Variants in ODR4 observed in about 807,000 individuals in gnomAD.
ODR4 encodes protein odr-4 homolog.
ODR4 carries 47 observed loss-of-function variants against 60.2 expected under a neutral mutation model. The ratio of observed to expected loss-of-function variants is 0.78; its 90% CI spans 0.62 to 1.00. The LOEUF (loss-of-function observed/expected upper bound fraction) is 1.00, where lower values mean the gene tolerates loss of function less well. Ranked by LOEUF, ODR4 falls within the 50% of genes least tolerant of loss-of-function variation. The pLI, the probability that ODR4 is intolerant of heterozygous loss-of-function variation, is 0.00. For missense variants in ODR4, 488 were observed against 530.8 expected (o/e 0.92, Z 0.79); for synonymous variants, 178 against 175.5 (o/e 1.01, Z -0.11).
Position 186,394,290 on chromosome 1 carries a change from G to A in ODR4, c.780+275G>A, listed in dbSNP as rs74228916. On this transcript the variant is annotated intron_variant, in intron 9 of 13. Transcript: ENST00000287859. ...TGCATACATATACATGTATGTATGTGTACATATTTTGGGTTGTAGCTTTTA... is the reference window on the plus strand; with the variant it reads ...TGCATACATATACATGTATGTATGTATACATATTTTGGGTTGTAGCTTTTA... Among the ~76,000 whole-genome samples, 175 of 152,058 alleles carry A rather than the reference G, an allele frequency of 1.2e-3. 2 individuals carry two copies. The East Asian group carries it at 0.031, about 27-fold the overall frequency.
intron 12 of ODR4, among the ~76,000 whole-genome samples, chr1:186,415,345 G>GC (rs1661523593): frequency 1.3e-5 from 2 of 152,004 alleles, no homozygotes; most frequent in African/African-American, 2.4e-5. Flanking sequence ...TTGAGCTTGT[G>GC]CTCCCATATT....
chr1:186,431,004 T>G, the ODR4 span, among the ~76,000 whole-genome samples: 1 of 152,244 alleles, frequency 6.6e-6, no homozygotes, highest in Non-Finnish European at 1.5e-5. Context: ...TAGATGACTG[T>G]ACACAACTAA....
rs994039894 is a variant in ODR4 at position 186,375,874 on chromosome 1, A to G, written c.-120A>G. ...TGGCAGTGAATTGAGACCGGAGGGA[A>G]TCTGGCCCCTAGAGGCTGGTACTTG... On this transcript the variant is annotated 5_prime_UTR_variant, in exon 1 of 14. Coordinates refer to ENST00000287859, the MANE Select transcript of ODR4 (RefSeq NM_017847.6). 4.6e-6 allele frequency: 1 copy of G among 216,342 alleles called. No individual in the cohort carries two copies. The highest frequency in any genetic ancestry group is 1.0e-5 in the Non-Finnish European group (1 of 97,520). 13.4% of individuals were successfully genotyped at this position (216,342 alleles called of 1,614,324 possible).
intron 8 of ODR4, among the ~76,000 whole-genome samples, chr1:186,393,320 T>C (rs1660539919): frequency 1.3e-5 from 2 of 152,196 alleles, no homozygotes; most frequent in South Asian, 4.1e-4. Context: ...AATGATGTAA[T>C]TGGAATCCTG....
At chr1:186,424,416 A>G (rs1571711071), downstream of ODR4, among the ~76,000 whole-genome samples, 1 of 152,330 alleles carries the variant, frequency 6.6e-6, no homozygotes, top group South Asian at 2.1e-4. Flanking sequence ...ACACATGAAT[A>G]CATAAAACAA....
At chr1:186,388,689 A>G in intron 5 of ODR4, 141 bp downstream of exon 5, 1 of 548,332 alleles carries the variant, frequency 1.8e-6, no homozygotes, top group East Asian at 3.3e-5. Flanking sequence ...ACATGGAATT[A>G]GAGCCACCAA....
rs1363500905 is a variant in ODR4, at chr1:186,383,053, C to A, written c.131C>A (p.Ala44Asp). 2 of 1,582,874 alleles carry A rather than the reference C, an allele frequency of 1.3e-6. No individual in the cohort carries two copies. Among genetic ancestry groups the A allele is most frequent in the Non-Finnish European group, 1.7e-6 (2 of 1,163,322 alleles). ...CSSQKDYVILATRTPPKEEQS... is the reference protein window; with the variant it reads ...CSSQKDYVILDTRTPPKEEQS... ...TCACAAAAGGATTATGTGATTCTTGCCACTAGAACGCCACCCAAAGAGGAG... is the reference window on the plus strand; with the variant it reads ...TCACAAAAGGATTATGTGATTCTTGACACTAGAACGCCACCCAAAGAGGAG... Residue 44 changes from alanine (A) to aspartate (D), a missense_variant, in exon 3 of 14, where the codon GCC becomes GAC. Physicochemically the swap from Ala to Asp is moderately radical, Grantham distance 126. Transcript: ENST00000287859.
intron 11 of ODR4, among the ~76,000 whole-genome samples, chr1:186,405,709 G>A (rs1337780020): frequency 1.3e-5 from 2 of 152,006 alleles, no homozygotes; most frequent in Non-Finnish European, 2.9e-5. Context: ...CTGCCACCAC[G>A]CCTGACTAAT....
the ODR4 span, among the ~76,000 whole-genome samples, chr1:186,434,553 C>A: frequency 2.0e-5 from 3 of 152,080 alleles, no homozygotes; most frequent in African/African-American, 7.2e-5. Flanking sequence ...CTTTCCATTT[C>A]CCTACCAAAA....
chr1:186,414,469 T>A (rs920179482), intron 12 of ODR4, among the ~76,000 whole-genome samples: 28 of 152,194 alleles, frequency 1.8e-4, no homozygotes, highest in African/African-American at 6.0e-4. Context: ...TATTTTTGTT[T>A]GTTATCTGAT....
chr1:186,419,409 G>C lies in ODR4; in HGVS notation c.*333G>C, dbSNP rs905177986. On this transcript the variant is annotated 3_prime_UTR_variant, in exon 14 of 14. Transcript: ENST00000287859. ...ACTAATCTGAATCACATATTAATCA[G>C]GACATTAAAAACTTTAACAGAGGCA... 8 of 268,830 alleles carry C rather than the reference G, an allele frequency of 3.0e-5. No homozygotes were observed. The highest frequency in any genetic ancestry group is 5.8e-5 in the Non-Finnish European group (8 of 138,916). The allele number at this position is 268,830 out of a possible 1,614,324, so 16.7% of individuals were successfully genotyped here.
chr1:186,412,073 A>T (rs978795548), intron 12 of ODR4, among the ~76,000 whole-genome samples: 2 of 152,146 alleles, frequency 1.3e-5, no homozygotes, highest in African/African-American at 4.8e-5. Context: ...TGAGTGAGTG[A>T]TGTCTGTTCT....
intron 9 of ODR4, among the ~76,000 whole-genome samples, chr1:186,396,282 C>T (rs1418319565): frequency 2.6e-5 from 4 of 152,126 alleles, no homozygotes; most frequent in African/African-American, 9.7e-5. Context: ...TACATTTCCA[C>T]CTAAAAGGAA....
rs562974424 is a variant in ODR4, at chr1:186,388,541, A to G, written c.430A>G (p.Thr144Ala). 4.1e-5 allele frequency: 63 copies of G among 1,523,508 alleles called. No individual in the cohort carries two copies. In the Middle Eastern group the frequency reaches 1.0e-3, roughly 25 times the overall value. 94.4% of individuals were successfully genotyped at this position (1,523,508 alleles called of 1,614,324 possible). A position where few individuals can be genotyped will look rare whatever the true frequency, so the allele number is the denominator to read the frequency against. Residue 144 changes from threonine (T) to alanine (A), a missense_variant, in exon 5 of 14, where the codon ACA becomes GCA. By Grantham distance (58) the Thr-to-Ala change is moderately conservative. Coordinates refer to ENST00000287859, the MANE Select transcript of ODR4 (RefSeq NM_017847.6). Reference sequence around the variant, plus strand: ...AGTGACACTTCACATTTGTGCTTCTACAAAAAAGTATCTTTTGTTCAGTTT... The same window carrying G: ...AGTGACACTTCACATTTGTGCTTCTGCAAAAAAGTATCTTTTGTTCAGTTT... ...ERVTLHICAS[T>A]KKIFCRTYDI...
intron 12 of ODR4, among the ~76,000 whole-genome samples, chr1:186,413,345 T>C (rs964551959): frequency 9.2e-5 from 14 of 152,268 alleles, no homozygotes; most frequent in African/African-American, 3.1e-4. Flanking sequence ...GATTATTACT[T>C]ATTTCTGTTC....
At chr1:186,430,644 A>G in the ODR4 span, among the ~76,000 whole-genome samples, 1 of 152,112 alleles carries the variant, frequency 6.6e-6, no homozygotes, top group African/African-American at 2.4e-5. Context: ...TAGCACTATT[A>G]AAATATTTTC....
chr1:186,421,972 C>T (rs3124819), downstream of ODR4, among the ~76,000 whole-genome samples: 26,503 of 150,516 alleles, frequency 0.18, 2,497 homozygotes, highest in African/African-American at 0.21. Context: ...ATTATGGAGG[C>T]GGGTGGGGGG....
At chr1:186,406,634 A>G (rs1661183483) in intron 12 of ODR4, among the ~76,000 whole-genome samples, 1 of 152,152 alleles carries the variant, frequency 6.6e-6, no homozygotes, top group African/African-American at 2.4e-5. Flanking sequence ...ATCATGTCAG[A>G]ACAGAAGGTT....
chr1:186,424,582 A>G (rs929889751), downstream of ODR4, among the ~76,000 whole-genome samples: 1 of 151,976 alleles, frequency 6.6e-6, no homozygotes, highest in Non-Finnish European at 1.5e-5. Context: ...ACTTGCCTCA[A>G]TGCTGTGAGT....
Sources: gnomAD v4.1 joint callset for allele counts (sites outside exome capture counted in the v4.1 genomes callset) on GRCh38, gnomAD v4.1.1 for gene constraint, MANE v1.5 for transcripts, NCBI Gene and HGNC (gene_info 2026-07-23, HGNC 2026-07-21) for gene names.